Variants in LHFPL6 observed in about 807,000 individuals in gnomAD.
LHFPL6 encodes LHFPL tetraspan subfamily member 6 protein.
LHFPL6 carries 9 observed loss-of-function variants against 20.6 expected under a neutral mutation model. That is an observed-to-expected ratio of 0.44 (90% CI 0.26 to 0.76). LHFPL6 has a LOEUF of 0.76. LHFPL6 is among the 30% of genes least tolerant of loss of function. The pLI is 0.20. For synonymous variants in LHFPL6, 105 were observed against 98.7 expected (o/e 1.06, Z -0.38); for missense variants, 218 against 253.5 (o/e 0.86, Z 0.95).
intron 2 of LHFPL6, among the ~76,000 whole-genome samples, chr13:39,407,698 G>T (rs1009164791): frequency 2.0e-5 from 3 of 152,110 alleles, no homozygotes; most frequent in Non-Finnish European, 2.9e-5. Flanking sequence ...TTTTAAAAGG[G>T]TGTTCCACTT....
intron 2 of LHFPL6, among the ~76,000 whole-genome samples, chr13:39,524,938 C>T (rs1870241026): frequency 6.6e-6 from 1 of 152,316 alleles, no homozygotes; most frequent in East Asian, 1.9e-4. Context: ...GGAAATAAAA[C>T]TTACTGAATT....
intron 3 of LHFPL6, among the ~76,000 whole-genome samples, chr13:39,361,642 G>A (rs1402717639): frequency 6.6e-6 from 1 of 152,110 alleles, no homozygotes; most frequent in Non-Finnish European, 1.5e-5. Context: ...TTTTAAATGT[G>A]CTTTTCATTT....
chr13:39,552,359 T>A lies in LHFPL6; in HGVS notation c.385+48473A>T, dbSNP rs540112528. 1.1e-4 allele frequency among the ~76,000 whole-genome samples: 16 copies of A among 152,264 alleles called. No homozygotes were observed. The East Asian group carries it at 3.1e-3, about 29-fold the overall frequency. ...GACAGCAATTGGTAAACTGACTATT[T>A]TTCAAAAAGTCTCTTTGTTCTTAAT... is the stretch of plus-strand genomic sequence containing the variant. On this transcript the variant is annotated intron_variant, in intron 2 of 3. Coordinates refer to ENST00000379589, the MANE Select transcript of LHFPL6 (RefSeq NM_005780.3).
intron 2 of LHFPL6, among the ~76,000 whole-genome samples, chr13:39,421,827 C>T (rs752318099): frequency 9.2e-5 from 14 of 152,120 alleles, no homozygotes; most frequent in Non-Finnish European, 2.1e-4. Context: ...ATGAAAAAAT[C>T]TTTTTATATG....
chr13:39,400,512 G>A (rs905247923), intron 2 of LHFPL6, among the ~76,000 whole-genome samples: 10 of 152,082 alleles, frequency 6.6e-5, no homozygotes, highest in East Asian at 3.9e-4. Context: ...GGCCGGGCGC[G>A]GTGGCTCACG....
chr13:39,358,998 C>T (rs1464878827), intron 3 of LHFPL6, among the ~76,000 whole-genome samples: 1 of 152,078 alleles, frequency 6.6e-6, no homozygotes, highest in Non-Finnish European at 1.5e-5. Flanking sequence ...TGGTGAAACC[C>T]CATCTCTACT....
chr13:39,469,248 A>C (rs1269595960), intron 2 of LHFPL6, among the ~76,000 whole-genome samples: 1 of 152,144 alleles, frequency 6.6e-6, no homozygotes, highest in African/African-American at 2.4e-5. Flanking sequence ...GTGTGCTGCC[A>C]GCCACTTTGT....
At chr13:39,446,400 G>C (rs1872291017) in intron 2 of LHFPL6, among the ~76,000 whole-genome samples, 1 of 152,222 alleles carries the variant, frequency 6.6e-6, no homozygotes, top group Non-Finnish European at 1.5e-5. Context: ...AAGCTCTCAA[G>C]CTCTCCCGAT....
intron 2 of LHFPL6, among the ~76,000 whole-genome samples, chr13:39,577,635 T>C (rs1471040172): frequency 2.0e-5 from 3 of 151,772 alleles, no homozygotes; most frequent in Admixed American, 6.6e-5. Context: ...TTCCAACAAC[T>C]CAATTTTTTT....
chr13:39,403,183 T>C (rs1252507610), intron 2 of LHFPL6, among the ~76,000 whole-genome samples: 2 of 152,194 alleles, frequency 1.3e-5, no homozygotes, highest in Non-Finnish European at 2.9e-5. Context: ...GGAGAAGCAA[T>C]GCTTTTGTCA....
At chr13:39,487,099 A>G (rs1868752227) in intron 2 of LHFPL6, among the ~76,000 whole-genome samples, 1 of 152,220 alleles carries the variant, frequency 6.6e-6, no homozygotes, top group Non-Finnish European at 1.5e-5. Context: ...CACAAACTAC[A>G]CATATAATCT....
intron 2 of LHFPL6, among the ~76,000 whole-genome samples, chr13:39,528,536 G>T (rs1269334468): frequency 6.6e-6 from 1 of 152,180 alleles, no homozygotes; most frequent in African/African-American, 2.4e-5. Context: ...TGCTAAAATA[G>T]GCCAGTGTCC....
At chr13:39,565,990 T>C (rs561781811) in intron 2 of LHFPL6, among the ~76,000 whole-genome samples, 2 of 152,346 alleles carry the variant, frequency 1.3e-5, no homozygotes, top group East Asian at 1.9e-4. Context: ...TATGGTTTAA[T>C]TGGATTTTTA....
chr13:39,422,656 A>G (rs1871527045), intron 2 of LHFPL6, among the ~76,000 whole-genome samples: 1 of 152,022 alleles, frequency 6.6e-6, no homozygotes, highest in African/African-American at 2.4e-5. Context: ...ATTCCTTATA[A>G]AAATACACTC....
Position 39,491,325 on chromosome 13 carries a change from CG to C in LHFPL6, c.385+109506del, listed in dbSNP as rs552716484. 1.4e-4 allele frequency among the ~76,000 whole-genome samples: 21 copies of C among 152,126 alleles called. No homozygotes were observed. The South Asian group carries it at 3.9e-3, about 29-fold the overall frequency. On this transcript the variant is annotated intron_variant, in intron 2 of 3. Transcript: ENST00000379589. ...ATAGCATTTCTGACAGCTGGGTTCG[CG>C]TAAGGGATAACTCAGAGGCAAGAAA...
chr13:39,542,569 C>T (rs1870844322), intron 2 of LHFPL6, among the ~76,000 whole-genome samples: 1 of 152,194 alleles, frequency 6.6e-6, no homozygotes, highest in Non-Finnish European at 1.5e-5. Context: ...GGCTCCAGCC[C>T]TGACTTTGTA....
At position 39,501,221 on chromosome 13, in the gene LHFPL6, C is replaced by T. The variant is rs564453600; in HGVS notation, c.385+99611G>A. On this transcript the variant is annotated intron_variant, in intron 2 of 3. Transcript: ENST00000379589. ...CGGTGTCTAAAGCTGGACTAGTAAG[C>T]AGGCCTTTTGATTCCCAGTCCAGGG... Among the ~76,000 whole-genome samples the T allele has an allele frequency of 2.4e-4, 36 of 152,286 alleles. 2 individuals are homozygous for T. The South Asian group carries it at 7.5e-3, about 32-fold the overall frequency.
At chr13:39,584,675 T>C (rs1189635861) in intron 2 of LHFPL6, among the ~76,000 whole-genome samples, 1 of 151,798 alleles carries the variant, frequency 6.6e-6, no homozygotes, top group Non-Finnish European at 1.5e-5. Flanking sequence ...GACTATAGAG[T>C]CTATAAAGGA....
chr13:39,348,842 T>A (rs903993788), intron 3 of LHFPL6, among the ~76,000 whole-genome samples: 2 of 152,208 alleles, frequency 1.3e-5, no homozygotes, highest in Non-Finnish European at 2.9e-5. Flanking sequence ...ATCCTTGTCT[T>A]GCTCAGGTGT....
Sources: gnomAD v4.1 joint callset for allele counts (sites outside exome capture counted in the v4.1 genomes callset) on GRCh38, gnomAD v4.1.1 for gene constraint, MANE v1.5 for transcripts, NCBI Gene and HGNC (gene_info 2026-07-23, HGNC 2026-07-21) for gene names.